The following OR8D4 variants were observed in gnomAD, a reference collection of about 807,000 sequenced individuals.
OR8D4 encodes olfactory receptor 8D4.
For synonymous variants in OR8D4, 141 were observed against 134.8 expected (o/e 1.05, Z -0.32); for missense variants, 359 against 372.6 (o/e 0.96, Z 0.30).
chr11:123,906,496 A>G lies in OR8D4; in HGVS notation c.65A>G (p.Glu22Gly). 6.2e-7 allele frequency: 1 copy of G among 1,613,834 alleles called. No homozygotes were observed. The highest frequency in any genetic ancestry group is 8.5e-7 in the Non-Finnish European group (1 of 1,179,858). The change falls in exon 2 of 2, where the codon GAG (glutamate) becomes GGG (glycine). Residue 22 changes from glutamate to glycine, a missense_variant. By Grantham distance (98) the Glu-to-Gly change is moderately conservative (BLOSUM62 -2). Transcript: ENST00000641687. The part of the protein sequence containing the change: ...FLLSGLTEQA[E>G]LQLPLFCLFL... ...CTTTCAGGATTAACTGAACAAGCAG[A>G]GCTTCAGCTGCCCCTCTTCTGCCTC...
chr11:123,905,152 G>A (rs1863190315), intron 1 of OR8D4, among the ~76,000 whole-genome samples: 1 of 152,172 alleles, frequency 6.6e-6, no homozygotes, highest in Non-Finnish European at 1.5e-5. Flanking sequence ...CTGGAGGATG[G>A]CCAGAGATCC....
rs1221924916 is a variant in OR8D4, at chr11:123,907,536, G to A, written c.*160G>A. ...CCGAGTTGGGTGGATCACGAGGTCC[G>A]GTGTTCAAGACCAGCCTGGCCAAGA... is the stretch of plus-strand genomic sequence containing the variant. On this transcript the variant is annotated 3_prime_UTR_variant, in exon 2 of 2. Transcript: ENST00000641687. 1.7e-5 allele frequency: 7 copies of A among 406,490 alleles called. No homozygotes were observed. The highest frequency in any genetic ancestry group is 1.5e-4 in the South Asian group (3 of 19,882). 25.2% of individuals were successfully genotyped at this position (406,490 alleles called of 1,614,324 possible).
chr11:123,907,082 A>T lies in OR8D4; in HGVS notation c.651A>T (p.Ser217=). 1 of 1,614,004 alleles carries T rather than the reference A, an allele frequency of 6.2e-7. No individual in the cohort carries two copies. Among genetic ancestry groups the T allele is most frequent in the South Asian group, 1.1e-5 (1 of 91,070 alleles). ...MVATSLTIII[S]YAFILTSILR... is the part of the protein sequence containing the mutation. ...CCACAAGCCTAACAATCATTATTTC[A>T]TATGCTTTTATCCTCACCAGCATCC... Residue 217 remains serine (S), a synonymous_variant, in exon 2 of 2, where the codon TCA becomes TCT. Transcript: ENST00000641687.
chr11:123,907,031 TG>T lies in OR8D4; in HGVS notation c.601del (p.Val201SerfsTer12). 6.2e-7 allele frequency: 1 copy of T among 1,614,102 alleles called. No individual in the cohort carries two copies. The highest frequency in any genetic ancestry group is 8.5e-7 in the Non-Finnish European group (1 of 1,179,948). On this transcript the variant is annotated frameshift_variant, in exon 2 of 2. Transcript: ENST00000641687. LOFTEE classifies it low-confidence loss of function (END_TRUNC). The part of the protein sequence containing the change: ...STYIDELLIF[V>X]IGGFNMVATS... ...CTTATATTGATGAGCTTTTGATTTT[TG>T]TCATTGGTGGATTTAACATGGTGGC...
At chr11:123,902,758 G>T (rs1038288735) in intron 1 of OR8D4, among the ~76,000 whole-genome samples, 2 of 152,086 alleles carry the variant, frequency 1.3e-5, no homozygotes, top group Non-Finnish European at 2.9e-5. Context: ...GGACAATTCA[G>T]ATTTGAAAGA....
chr11:123,902,571 T>C (rs977952941), intron 1 of OR8D4, among the ~76,000 whole-genome samples: 2 of 152,214 alleles, frequency 1.3e-5, no homozygotes, highest in African/African-American at 4.8e-5. Flanking sequence ...TTGATTTGCA[T>C]AACAATCTTT....
rs910496436 is a variant in OR8D4, at chr11:123,906,451, C to T, written c.20C>T (p.Ser7Phe). MGVKNH[S>F]TVTEFLLSGL... ...AGAAGAATGGGTGTAAAAAACCATT[C>T]CACAGTGACTGAGTTTCTTCTTTCA... The change falls in exon 2 of 2, where the codon TCC becomes TTC. Residue 7 changes from serine to phenylalanine, a missense_variant. Coordinates refer to ENST00000641687, the MANE Select transcript of OR8D4 (RefSeq NM_001005197.2). 17 of 1,606,914 alleles carry T rather than the reference C, an allele frequency of 1.1e-5. No individual in the cohort carries two copies. The highest frequency in any genetic ancestry group is 1.4e-5 in the Non-Finnish European group (17 of 1,176,436).
In OR8D4 at chr11:123,907,120, C is replaced by T; in HGVS notation, c.689C>T (p.Ser230Phe). The change falls in exon 2 of 2, where the codon TCT becomes TTT. Residue 230 changes from serine (S) to phenylalanine (F), a missense_variant. Physicochemically the swap from Ser to Phe is radical, Grantham distance 155. Coordinates refer to ENST00000641687, the MANE Select transcript of OR8D4 (RefSeq NM_001005197.2). ...FILTSILRIH[S>F]KKGRCKAFST... is the part of the protein sequence containing the mutation. ...CTCACCAGCATCCTGCGCATCCACT[C>T]TAAAAAGGGCAGGTGCAAAGCGTTT... 1.2e-6 allele frequency: 2 copies of T among 1,614,006 alleles called. No homozygotes were observed. The highest frequency in any genetic ancestry group is 1.7e-6 in the Non-Finnish European group (2 of 1,179,944).
Position 123,907,263 on chromosome 11 carries a change from T to C in OR8D4, c.832T>C (p.Tyr278His), listed in dbSNP as rs781212400. 2 of 1,610,442 alleles carry C rather than the reference T, an allele frequency of 1.2e-6. No individual in the cohort carries two copies. The highest frequency in any genetic ancestry group is 4.5e-5 in the East Asian group (2 of 44,814). ...CCAGGAGAAAGTATCCTCAGTATTT[T>C]ATACCACTGTGATTCTCATGTTGAA... ...LTQEKVSSVF[Y>H]TTVILMLNPL... Residue 278 changes from tyrosine to histidine, a missense_variant, in exon 2 of 2, where the codon TAT (tyrosine) becomes CAT (histidine). Tyr to His is a moderately conservative substitution (Grantham distance 83). Coordinates refer to ENST00000641687, the MANE Select transcript of OR8D4 (RefSeq NM_001005197.2).
In OR8D4 at chr11:123,906,947, C is replaced by T. The variant is rs1337304709; in HGVS notation, c.516C>T (p.Asn172=). Residue 172 remains asparagine (N), a synonymous_variant, in exon 2 of 2, where the codon AAC becomes AAT. Transcript: ENST00000641687. ...TCAGGTTGTCTTTCTGTGGATCAAA[C>T]ATCATTAAACATTATTTCTGTGACA... ...CILRLSFCGS[N]IIKHYFCDIV... is the part of the protein sequence containing the mutation. 9 of 1,613,942 alleles carry T rather than the reference C, an allele frequency of 5.6e-6. No homozygotes were observed. Among genetic ancestry groups the T allele is most frequent in the African/African-American group, 2.7e-5 (2 of 74,906 alleles).
intron 1 of OR8D4, chr11:123,906,198 C>T (rs1009652095): frequency 2.6e-5 from 12 of 455,748 alleles, no homozygotes; most frequent in Admixed American, 1.2e-4. Context: ...CTGTCGTTTG[C>T]TAAGAGAATT....
chr11:123,908,402 G>A lies in OR8D4; in HGVS notation c.*1026G>A, dbSNP rs1341550789. On this transcript the variant is annotated 3_prime_UTR_variant, in exon 2 of 2. Coordinates refer to ENST00000641687, the MANE Select transcript of OR8D4 (RefSeq NM_001005197.2). ...CCACATGTTTTGAGATAAAGATAAT[G>A]AAAAAGCTTATGATTTTTAAGAATG... 3.9e-5 allele frequency: 6 copies of A among 152,228 alleles called. No individual in the cohort carries two copies. The East Asian group carries it at 1.2e-3, about 29-fold the overall frequency. 9.4% of individuals were successfully genotyped at this position (152,228 alleles called of 1,614,324 possible).
chr11:123,904,444 C>CA (rs1300754521), intron 1 of OR8D4, among the ~76,000 whole-genome samples: 1 of 152,126 alleles, frequency 6.6e-6, no homozygotes, highest in Non-Finnish European at 1.5e-5. Context: ...ATATTAAAGA[C>CA]AAAAAACTGA....
At position 123,907,409 on chromosome 11, in the gene OR8D4, C is replaced by A; in HGVS notation, c.*33C>A. The A allele has an allele frequency of 3.4e-6, 3 of 887,452 alleles. No individual in the cohort carries two copies. Among genetic ancestry groups the A allele is most frequent in the East Asian group, 2.6e-5 (1 of 38,888 alleles). The allele number at this position is 887,452 out of a possible 1,614,324, so 55.0% of individuals were successfully genotyped here. A position where few individuals can be genotyped will look rare whatever the true frequency, so the allele number is the denominator to read the frequency against. ...CTTTATTAAGATCTATTTCTGTATT[C>A]ATAATCATGATTATATGTATATATT... On this transcript the variant is annotated 3_prime_UTR_variant, in exon 2 of 2. Coordinates refer to ENST00000641687, the MANE Select transcript of OR8D4 (RefSeq NM_001005197.2).
Position 123,906,599 on chromosome 11 carries a change from T to G in OR8D4, c.168T>G (p.His56Gln), listed in dbSNP as rs1863201495. The change falls in exon 2 of 2, where the codon CAT (histidine) becomes CAG (glutamine). Residue 56 changes from histidine to glutamine, a missense_variant. Physicochemically the swap from His to Gln is conservative, Grantham distance 24 (BLOSUM62 0). Transcript: ENST00000641687. ...TTATTAGGCTGAATCGTCAACTTCA[T>G]ACCCCCATGTACTATTTCCTGAGTA... ...ISIIRLNRQL[H>Q]TPMYYFLSSL... 1 of 1,613,892 alleles carries G rather than the reference T, an allele frequency of 6.2e-7. No individual in the cohort carries two copies. The highest frequency in any genetic ancestry group is 1.1e-5 in the South Asian group (1 of 91,084).
rs1863216529 is a variant in OR8D4 at position 123,907,643 on chromosome 11, A to G, written c.*267A>G. ...GCACCTGTAATCCCACCTACTTGGGAGGCTGAGGCAGAAGAATTGCTTGAA... is the reference window on the plus strand; with the variant it reads ...GCACCTGTAATCCCACCTACTTGGGGGGCTGAGGCAGAAGAATTGCTTGAA... On this transcript the variant is annotated 3_prime_UTR_variant, in exon 2 of 2. Transcript: ENST00000641687. 6.2e-6 allele frequency: 1 copy of G among 161,854 alleles called. No individual in the cohort carries two copies. The highest frequency in any genetic ancestry group is 2.4e-5 in the African/African-American group (1 of 41,030). The allele number at this position is 161,854 out of a possible 1,614,324, so 10.0% of individuals were successfully genotyped here. A position where few individuals can be genotyped will look rare whatever the true frequency, so the allele number is the denominator to read the frequency against.
Position 123,906,512 on chromosome 11 carries a change from C to T in OR8D4, c.81C>T (p.Leu27=), listed in dbSNP as rs760024157. 6 of 1,613,914 alleles carry T rather than the reference C, an allele frequency of 3.7e-6. No homozygotes were observed. Among genetic ancestry groups the T allele is most frequent in the South Asian group, 1.1e-5 (1 of 91,062 alleles). ...AACAAGCAGAGCTTCAGCTGCCCCT[C>T]TTCTGCCTCTTCTTAGGAATTTACA... ...LTEQAELQLP[L]FCLFLGIYTV... The change falls in exon 2 of 2, where the codon CTC becomes CTT. Residue 27 remains leucine (L), a synonymous_variant. Transcript: ENST00000641687.
In OR8D4 at chr11:123,902,230, C is replaced by T. The variant is rs184510603; in HGVS notation, c.-43C>T. ...ATGAGGTTAGGAGAAAGAAGAGATA[C>T]TCACCTACAGTCTTCAGGAGGAAAA... On this transcript the variant is annotated 5_prime_UTR_variant, in exon 1 of 2. Transcript: ENST00000641687. The T allele has an allele frequency of 1.3e-5, 2 of 152,254 alleles. No homozygotes were observed. Among genetic ancestry groups the T allele is most frequent in the South Asian group, 2.1e-4 (1 of 4,822 alleles). The allele number at this position is 152,254 out of a possible 1,614,324, so 9.4% of individuals were successfully genotyped here. A position where few individuals can be genotyped will look rare whatever the true frequency, so the allele number is the denominator to read the frequency against.
At position 123,906,415 on chromosome 11, in the gene OR8D4, A is replaced by G. The variant is rs1387619292; in HGVS notation, c.-15-2A>G. 6.6e-7 allele frequency: 1 copy of G among 1,520,834 alleles called. No individual in the cohort carries two copies. Among genetic ancestry groups the G allele is most frequent in the Non-Finnish European group, 8.9e-7 (1 of 1,117,354 alleles). 94.2% of individuals were successfully genotyped at this position (1,520,834 alleles called of 1,614,324 possible). On this transcript the variant is annotated splice_acceptor_variant, in intron 1 of 1. Coordinates refer to ENST00000641687, the MANE Select transcript of OR8D4 (RefSeq NM_001005197.2). LOFTEE classifies it low-confidence loss of function (5UTR_SPLICE). ...TTGACTTTTTCTCTCTCATCTCCAC[A>G]GATTTCTCAGAGAAGAATGGGTGTA... is the stretch of plus-strand genomic sequence containing the variant.
Sources: gnomAD v4.1 joint callset for allele counts (sites outside exome capture counted in the v4.1 genomes callset) on GRCh38, gnomAD v4.1.1 for gene constraint, MANE v1.5 for transcripts, NCBI Gene and HGNC (gene_info 2026-07-23, HGNC 2026-07-21) for gene names.